PMP22: variants seen among roughly 807,000 people sequenced by gnomAD.
The protein encoded by PMP22 is peripheral myelin protein 22.
A neutral mutation model predicts 18.9 loss-of-function variants in PMP22; 2 were observed. The ratio of observed to expected loss-of-function variants is 0.11; its 90% CI spans 0.04 to 0.33. PMP22 has a LOEUF of 0.33. PMP22 is among the 10% of genes least tolerant of loss of function. The pLI, the probability that PMP22 is intolerant of heterozygous loss-of-function variation, is 1.00. For missense variants in PMP22, 169 were observed against 202.2 expected, an observed-to-expected ratio of 0.84 and a Z score of 1.00; for synonymous variants, 95 against 89.2, an observed-to-expected ratio of 1.07 and a Z score of -0.37.
At chr17:15,246,899 G>A (rs1567710069) in intron 3 of PMP22, among the ~76,000 whole-genome samples, 2 of 151,270 alleles carry the variant, frequency 1.3e-5, no homozygotes, top group African/African-American at 2.4e-5. Flanking sequence ...GTGAAACCCC[G>A]TCTCTACTAA....
chr17:15,245,440 G>A (rs1907715643), intron 3 of PMP22, among the ~76,000 whole-genome samples: 1 of 152,184 alleles, frequency 6.6e-6, no homozygotes, highest in Non-Finnish European at 1.5e-5. Flanking sequence ...GCTGGGCTCT[G>A]TTGCCAAGTT....
At chr17:15,248,931 T>C (rs1908080197) in intron 3 of PMP22, among the ~76,000 whole-genome samples, 1 of 152,220 alleles carries the variant, frequency 6.6e-6, no homozygotes, top group African/African-American at 2.4e-5. Flanking sequence ...GCAATTGCAG[T>C]CATGAACTGC....
At chr17:15,236,793 T>G (rs1906857811) in intron 4 of PMP22, among the ~76,000 whole-genome samples, 1 of 152,194 alleles carries the variant, frequency 6.6e-6, no homozygotes, top group Admixed American at 6.5e-5. Context: ...ATAGAGTTCC[T>G]AACTCTTTCA....
chr17:15,243,237 T>G (rs1036345874), intron 3 of PMP22, among the ~76,000 whole-genome samples: 4 of 152,140 alleles, frequency 2.6e-5, no homozygotes, highest in Admixed American at 2.6e-4. Context: ...TCTGGTTCTT[T>G]GGGGATACAT....
At chr17:15,260,383 G>C in intron 2 of PMP22, 1 of 539,302 alleles carries the variant, frequency 1.9e-6, no homozygotes, top group Non-Finnish European at 3.3e-6. Flanking sequence ...TGAAGGTCGG[G>C]GACCCTAGAT....
Position 15,258,260 on chromosome 17 carries a change from G to C in PMP22, c.178+834C>G, listed in dbSNP as rs575485276. 6.6e-6 allele frequency among the ~76,000 whole-genome samples: 1 copy of C among 152,182 alleles called. No homozygotes were observed. The highest frequency in any genetic ancestry group is 6.5e-5 in the Admixed American group (1 of 15,276). ...AAAGATCATGTGGATCCAGGTCCAC[G>C]GGCTCTTAACATCAATCGCTATGGC... On this transcript the variant is annotated intron_variant, in intron 3 of 4. Transcript: ENST00000312280. This position sits in a 1 kb window ranked among gnomAD's most constrained non-coding sequence, Gnocchi z 4.1.
intron 4 of PMP22, 32 bp downstream of exon 4, chr17:15,239,439 C>T: frequency 6.2e-7 from 1 of 1,613,756 alleles, no homozygotes; most frequent in South Asian, 1.1e-5. Context: ...ATGCACCCCG[C>T]TTCCACATGG....
At chr17:15,259,243 A>T in intron 2 of PMP22, 50 bp from the exon 3 acceptor site, 1 of 1,444,622 alleles carries the variant, frequency 6.9e-7, no homozygotes, top group Non-Finnish European at 9.7e-7. Flanking sequence ...GGGAGGAGTG[A>T]AGGAAAAGGG....
rs184231116 is a variant in PMP22 at position 15,263,651 on chromosome 17, T to C, written c.-35+1503A>G. Among the ~76,000 whole-genome samples, 12 of 152,284 alleles carry C rather than the reference T, an allele frequency of 7.9e-5. No homozygotes were observed. In the East Asian group the frequency reaches 2.1e-3, roughly 27 times the overall value. On this transcript the variant is annotated intron_variant, in intron 1 of 4. Transcript: ENST00000312280. ...TGTCATAGAAGCTCATCACTCTCAA[T>C]GATTCAAATAATTCTATATTATTTT...
chr17:15,260,810 C>A, intron 1 of PMP22, 49 bp from the exon 2 acceptor site: 5 of 1,255,808 alleles, frequency 4.0e-6, no homozygotes, highest in Non-Finnish European at 4.5e-6. Context: ...GGCCGAGCGA[C>A]GGAGGCGCGC....
intron 3 of PMP22, among the ~76,000 whole-genome samples, chr17:15,245,578 G>A (rs16951244): frequency 2.6e-5 from 4 of 152,130 alleles, no homozygotes; most frequent in Non-Finnish European, 4.4e-5. Context: ...TTATTGAAGC[G>A]CTGTTAAAGG....
intron 3 of PMP22, among the ~76,000 whole-genome samples, chr17:15,241,620 TTA>T (rs1447962077): frequency 6.6e-6 from 1 of 152,200 alleles, no homozygotes; most frequent in African/African-American, 2.4e-5. Context: ...CTTAAAATCT[TTA>T]TATGTTAAAT....
At chr17:15,248,386 G>A (rs750679170) in intron 3 of PMP22, among the ~76,000 whole-genome samples, 6 of 152,234 alleles carry the variant, frequency 3.9e-5, no homozygotes, top group Non-Finnish European at 8.8e-5. Flanking sequence ...GAATCTTCAT[G>A]TCAAGGTATT....
intron 3 of PMP22, chr17:15,251,789 C>A (rs1908376031): frequency 6.6e-6 from 1 of 152,060 alleles, no homozygotes; most frequent in African/African-American, 2.4e-5. Context: ...CATGGCCAGT[C>A]CCTGCTCCTG....
chr17:15,256,891 G>A (rs1488431324), intron 3 of PMP22, among the ~76,000 whole-genome samples: 3 of 152,192 alleles, frequency 2.0e-5, no homozygotes, highest in Non-Finnish European at 4.4e-5. Flanking sequence ...CTGCCACGTT[G>A]GGGAAGATAG....
chr17:15,231,387 G>A (rs1317296887), intron 4 of PMP22, among the ~76,000 whole-genome samples: 1 of 152,148 alleles, frequency 6.6e-6, no homozygotes, highest in Admixed American at 6.5e-5. Context: ...TGGCCAGCAG[G>A]CATTCAGGCT....
chr17:15,251,016 A>T (rs1250868623), intron 3 of PMP22, among the ~76,000 whole-genome samples: 1 of 152,118 alleles, frequency 6.6e-6, no homozygotes, highest in Non-Finnish European at 1.5e-5. Flanking sequence ...CCCTTCAATG[A>T]TGTCCCAACT....
intron 3 of PMP22, among the ~76,000 whole-genome samples, chr17:15,250,374 C>T (rs924616950): frequency 2.0e-5 from 3 of 152,110 alleles, no homozygotes; most frequent in Non-Finnish European, 4.4e-5. Context: ...CTGCTCTCAA[C>T]TCCTCCCCAA....
At chr17:15,233,524 C>T (rs1160502038) in intron 4 of PMP22, among the ~76,000 whole-genome samples, 2 of 152,212 alleles carry the variant, frequency 1.3e-5, no homozygotes, top group Non-Finnish European at 1.5e-5. Flanking sequence ...GTGATTAGAG[C>T]CCAGAGCCTC....
Sources: allele counts gnomAD v4.1 joint callset (sites outside exome capture counted in the v4.1 genomes callset), GRCh38; gene constraint gnomAD v4.1.1; non-coding constraint Gnocchi (gnomAD v3.1); transcripts MANE v1.5; gene names NCBI Gene and HGNC (gene_info 2026-07-23, HGNC 2026-07-21).